SLC24A2: variants seen among roughly 807,000 people sequenced by gnomAD.
SLC24A2 encodes the protein sodium/potassium/calcium exchanger 2.
In SLC24A2, 36 loss-of-function variants were observed where a neutral mutation model predicts 62.0. That is an observed-to-expected ratio of 0.58 (90% CI 0.44 to 0.77). SLC24A2 has a LOEUF of 0.77. SLC24A2 is among the 30% of genes least tolerant of loss of function. The pLI is 0.00. For missense variants in SLC24A2, 846 were observed against 817.9 expected (o/e 1.03, Z -0.42); for synonymous variants, 358 against 294.0 (o/e 1.22, Z -2.23).
chr9:20,183,287 T>C, the SLC24A2 span, among the ~76,000 whole-genome samples: 1 of 152,144 alleles, frequency 6.6e-6, no homozygotes, highest in Non-Finnish European at 1.5e-5. Flanking sequence ...AACCATAATA[T>C]AAGTAAGTGC....
At chr9:20,229,073 C>T in the SLC24A2 span, among the ~76,000 whole-genome samples, 3 of 152,104 alleles carry the variant, frequency 2.0e-5, no homozygotes, top group East Asian at 3.9e-4. Flanking sequence ...CCTTGTAACC[C>T]CCAGAGTGCT....
chr9:19,616,314 C>T (rs1587042566), intron 4 of SLC24A2, among the ~76,000 whole-genome samples: 2 of 152,024 alleles, frequency 1.3e-5, no homozygotes, highest in Non-Finnish European at 2.9e-5. Context: ...CATTTTAATC[C>T]TTACAATAAC....
the SLC24A2 span, among the ~76,000 whole-genome samples, chr9:20,034,547 C>A: frequency 6.7e-6 from 1 of 149,236 alleles, no homozygotes; most frequent in African/African-American, 2.5e-5. Context: ...GCAAGCTCTG[C>A]ACCCCCCACC....
the SLC24A2 span, among the ~76,000 whole-genome samples, chr9:20,277,951 C>T: frequency 6.6e-6 from 1 of 152,118 alleles, no homozygotes; most frequent in Non-Finnish European, 1.5e-5. Flanking sequence ...ATGGATGAAG[C>T]TGGAAACCAT....
At chr9:19,740,054 G>A (rs1465774981) in intron 2 of SLC24A2, among the ~76,000 whole-genome samples, 2 of 152,176 alleles carry the variant, frequency 1.3e-5, no homozygotes, top group African/African-American at 4.8e-5. Flanking sequence ...ACCATGACAC[G>A]CTGACCAGAC....
chr9:20,220,901 A>G, the SLC24A2 span, among the ~76,000 whole-genome samples: 1 of 152,166 alleles, frequency 6.6e-6, no homozygotes, highest in Non-Finnish European at 1.5e-5. Flanking sequence ...CCAATACTCA[A>G]TTAACCTAAG....
At chr9:19,710,415 G>T (rs935519941) in intron 2 of SLC24A2, among the ~76,000 whole-genome samples, 4 of 152,108 alleles carry the variant, frequency 2.6e-5, no homozygotes, top group Non-Finnish European at 5.9e-5. Flanking sequence ...TCAGGGGGGT[G>T]GTGGCGGTAA....
the SLC24A2 span, among the ~76,000 whole-genome samples, chr9:20,005,350 T>TA: frequency 2.6e-5 from 4 of 152,134 alleles, no homozygotes; most frequent in South Asian, 4.1e-4. Flanking sequence ...TCAAAATAAT[T>TA]AAAAAAACAA....
intron 10 of SLC24A2, among the ~76,000 whole-genome samples, chr9:19,518,827 C>T (rs565917331): frequency 1.1e-4 from 17 of 152,244 alleles, no homozygotes; most frequent in Non-Finnish European, 2.1e-4. Context: ...ATTGCAATGA[C>T]ATCACTCAGT....
At chr9:19,564,020 A>AT (rs969955567) in intron 7 of SLC24A2, among the ~76,000 whole-genome samples, 43 of 151,606 alleles carry the variant, frequency 2.8e-4, no homozygotes, top group Non-Finnish European at 1.9e-4. Flanking sequence ...TGCCCTGCTA[A>AT]TTTTTTGTAT....
At chr9:20,015,130 A>C in the SLC24A2 span, among the ~76,000 whole-genome samples, 4 of 152,218 alleles carry the variant, frequency 2.6e-5, no homozygotes, top group Admixed American at 6.5e-5. Context: ...GGGAACCCTC[A>C]ATCTCTAAAT....
chr9:19,697,826 T>G lies in SLC24A2; in HGVS notation c.931-75527A>C, dbSNP rs189449530. On this transcript the variant is annotated intron_variant, in intron 2 of 10. Transcript: ENST00000341998. ...ATTAGTTTCGGAAACTGAAATAACT[T>G]TACATTTTTTTGATATGGTGGCAAA... Among the ~76,000 whole-genome samples, 708 of 152,234 alleles carry G rather than the reference T, an allele frequency of 4.7e-3. 5 individuals are homozygous for G. The highest frequency in any genetic ancestry group is 5.4e-3 in the Non-Finnish European group (368 of 68,004).
chr9:20,187,559 C>A, the SLC24A2 span, among the ~76,000 whole-genome samples: 1 of 152,130 alleles, frequency 6.6e-6, no homozygotes, highest in African/African-American at 2.4e-5. Context: ...AGTTCTAGAA[C>A]TTCCTCTCTC....
At chr9:19,826,785 C>T in the SLC24A2 span, among the ~76,000 whole-genome samples, 1 of 152,208 alleles carries the variant, frequency 6.6e-6, no homozygotes, top group African/African-American at 2.4e-5. Context: ...GATTTAGTTT[C>T]AACGTGATTT....
the SLC24A2 span, among the ~76,000 whole-genome samples, chr9:20,107,610 C>A: frequency 2.0e-5 from 3 of 152,104 alleles, no homozygotes; most frequent in Non-Finnish European, 2.9e-5. Context: ...TTCCCCATTT[C>A]ATAAATGGTG....
chr9:19,949,727 G>T, the SLC24A2 span, among the ~76,000 whole-genome samples: 1 of 152,308 alleles, frequency 6.6e-6, no homozygotes, highest in East Asian at 1.9e-4. Context: ...CCTTCCCAAG[G>T]ACTGGAACAT....
chr9:19,600,030 C>T (rs1836802212), intron 4 of SLC24A2, among the ~76,000 whole-genome samples: 1 of 152,210 alleles, frequency 6.6e-6, no homozygotes. Context: ...TTAACATTAT[C>T]TAGCACTGTT....
the SLC24A2 span, among the ~76,000 whole-genome samples, chr9:20,133,080 C>G: frequency 6.6e-6 from 1 of 152,068 alleles, no homozygotes; most frequent in East Asian, 1.9e-4. Flanking sequence ...AGAGATTATT[C>G]TGGGTGAGCC....
At chr9:19,902,507 T>C in the SLC24A2 span, among the ~76,000 whole-genome samples, 2 of 152,124 alleles carry the variant, frequency 1.3e-5, no homozygotes, top group Non-Finnish European at 2.9e-5. Context: ...CTCCTTATCC[T>C]CCTCCTCATC....
Sources: allele counts gnomAD v4.1 joint callset (sites outside exome capture counted in the v4.1 genomes callset), GRCh38; gene constraint gnomAD v4.1.1; transcripts MANE v1.5; gene names NCBI Gene and HGNC (gene_info 2026-07-23, HGNC 2026-07-21).